Variants in TENM4 observed in about 807,000 individuals in gnomAD.
The protein encoded by TENM4 is teneurin-4.
Under a neutral mutation model 243.3 loss-of-function variants are expected in TENM4, and 82 were observed. That is an observed-to-expected ratio of 0.34 (90% confidence interval 0.28 to 0.40). TENM4 has a LOEUF of 0.40. Among genes scored for constraint, TENM4 ranks in the 10% least tolerant of loss-of-function variants. The pLI is 1.00. For missense variants in TENM4, 3,138 were observed against 3,673.3 expected (o/e 0.85, Z 3.77); for synonymous variants, 1,412 against 1,456.3 (o/e 0.97, Z 0.69).
At chr11:79,437,668 G>T (rs1180212236) in intron 1 of TENM4, among the ~76,000 whole-genome samples, 1 of 152,228 alleles carries the variant, frequency 6.6e-6, no homozygotes, top group Non-Finnish European at 1.5e-5. Context: ...GGGGAGGCGG[G>T]CCACGAGGGG....
chr11:79,109,988 A>T (rs1388856567), intron 4 of TENM4, among the ~76,000 whole-genome samples: 1 of 152,146 alleles, frequency 6.6e-6, no homozygotes, highest in East Asian at 1.9e-4. Context: ...TTTACTTTCT[A>T]TCCACCTTCT....
At chr11:79,168,936 C>A (rs1022150987) in intron 3 of TENM4, among the ~76,000 whole-genome samples, 1 of 152,214 alleles carries the variant, frequency 6.6e-6, no homozygotes. Flanking sequence ...AGACACATGG[C>A]CCAGTCTACC....
Position 79,336,685 on chromosome 11 carries a change from A to C in TENM4, c.-320-39142T>G, listed in dbSNP as rs561738904. ...CCACTTTGAAAATATTGCTATGAACATGCAATAATTAAGGTATGTAAAGAC... is the reference window on the plus strand; with the variant it reads ...CCACTTTGAAAATATTGCTATGAACCTGCAATAATTAAGGTATGTAAAGAC... On this transcript the variant is annotated intron_variant, in intron 1 of 33. Coordinates refer to ENST00000278550, the MANE Select transcript of TENM4 (RefSeq NM_001098816.3). 7.2e-5 allele frequency among the ~76,000 whole-genome samples: 11 copies of C among 152,344 alleles called. No homozygotes were observed. The East Asian group carries it at 1.9e-3, about 27-fold the overall frequency.
chr11:78,770,356 T>C (rs747731099), intron 18 of TENM4, among the ~76,000 whole-genome samples: 1 of 152,208 alleles, frequency 6.6e-6, no homozygotes, highest in Non-Finnish European at 1.5e-5. Flanking sequence ...CCAAACAGCA[T>C]GTGTAAGGAT....
intron 6 of TENM4, among the ~76,000 whole-genome samples, chr11:79,057,897 T>C (rs550593470): frequency 6.6e-6 from 1 of 152,258 alleles, no homozygotes; most frequent in African/African-American, 2.4e-5. Flanking sequence ...CTCTTACCCC[T>C]CTTTGCCTGT....
intron 1 of TENM4, among the ~76,000 whole-genome samples, chr11:79,385,952 C>T (rs563989379): frequency 4.5e-4 from 69 of 152,156 alleles, no homozygotes; most frequent in Non-Finnish European, 7.6e-4. Flanking sequence ...CAGAACAATC[C>T]CCCTCAAAAA....
At chr11:78,749,016 C>T (rs555732238) in intron 19 of TENM4, among the ~76,000 whole-genome samples, 1 of 152,334 alleles carries the variant, frequency 6.6e-6, no homozygotes, top group Admixed American at 6.5e-5. Flanking sequence ...GTTCCCGCTG[C>T]ACCACAGCAT....
intron 6 of TENM4, among the ~76,000 whole-genome samples, chr11:78,940,619 C>T (rs1856871413): frequency 6.6e-6 from 1 of 152,200 alleles, no homozygotes; most frequent in African/African-American, 2.4e-5. Context: ...CATTCTCCAT[C>T]CCATTAACAT....
intron 9 of TENM4, among the ~76,000 whole-genome samples, chr11:78,866,059 G>A (rs982924027): frequency 2.6e-5 from 4 of 152,230 alleles, no homozygotes; most frequent in African/African-American, 7.2e-5. Flanking sequence ...CAGGTACCAG[G>A]TGAGGTGCTT....
intron 2 of TENM4, among the ~76,000 whole-genome samples, chr11:79,289,815 C>A (rs773458262): frequency 6.6e-5 from 10 of 152,198 alleles, no homozygotes; most frequent in Admixed American, 6.5e-4. Flanking sequence ...AAGGAAGACT[C>A]AACGTTAACC....
intron 4 of TENM4, among the ~76,000 whole-genome samples, chr11:79,091,836 C>T (rs896822732): frequency 8.5e-5 from 13 of 152,200 alleles, no homozygotes; most frequent in Admixed American, 8.5e-4. Context: ...CACCTGTCAT[C>T]TCCTGCATCC....
intron 2 of TENM4, among the ~76,000 whole-genome samples, chr11:79,272,532 T>C (rs1475623048): frequency 6.6e-6 from 1 of 152,218 alleles, no homozygotes; most frequent in African/African-American, 2.4e-5. Flanking sequence ...ATTATATCTA[T>C]GGTACATATT....
At chr11:78,825,543 AAGAC>A (rs917349410) in intron 12 of TENM4, among the ~76,000 whole-genome samples, 5 of 152,180 alleles carry the variant, frequency 3.3e-5, no homozygotes, top group Admixed American at 6.5e-5. Context: ...GTCTGGAAGA[AAGAC>A]AGACTTTACA....
intron 6 of TENM4, among the ~76,000 whole-genome samples, chr11:78,991,433 C>T (rs924760088): frequency 1.8e-4 from 28 of 152,232 alleles, no homozygotes; most frequent in African/African-American, 6.0e-4. Context: ...AAGATTGTAC[C>T]GAGCAACCAA....
intron 1 of TENM4, among the ~76,000 whole-genome samples, chr11:79,425,330 A>G (rs1310912487): frequency 6.6e-6 from 1 of 152,034 alleles, no homozygotes; most frequent in Non-Finnish European, 1.5e-5. Flanking sequence ...CCCTCCTCCA[A>G]TGACAGGGAG....
chr11:79,192,518 T>C (rs542361190), intron 3 of TENM4, among the ~76,000 whole-genome samples: 213 of 152,266 alleles, frequency 1.4e-3, no homozygotes, highest in African/African-American at 4.9e-3. Context: ...CAGGGTTAAA[T>C]GGATTAAGGG....
At chr11:78,973,075 A>G (rs1857578677) in intron 6 of TENM4, among the ~76,000 whole-genome samples, 1 of 152,264 alleles carries the variant, frequency 6.6e-6, no homozygotes, top group Non-Finnish European at 1.5e-5. Context: ...GTTATCCATT[A>G]TGAAACTTGG....
intron 1 of TENM4, among the ~76,000 whole-genome samples, chr11:79,347,319 C>T (rs1234736805): frequency 2.6e-5 from 4 of 152,222 alleles, no homozygotes; most frequent in Non-Finnish European, 5.9e-5. Flanking sequence ...GACTCTAGAG[C>T]TGCCTTATAC....
At chr11:79,338,223 T>A (rs1857185507) in intron 1 of TENM4, among the ~76,000 whole-genome samples, 1 of 152,180 alleles carries the variant, frequency 6.6e-6, no homozygotes, top group Admixed American at 6.5e-5. Flanking sequence ...CCAACCACAA[T>A]AAAAACCAGG....
Sources: allele counts gnomAD v4.1 joint callset (sites outside exome capture counted in the v4.1 genomes callset), GRCh38; gene constraint gnomAD v4.1.1; transcripts MANE v1.5; gene names NCBI Gene and HGNC (gene_info 2026-07-23, HGNC 2026-07-21).